SBF2: variants seen among roughly 807,000 people sequenced by gnomAD.
The protein encoded by SBF2 is myotubularin-related protein 13.
A neutral mutation model predicts 225.2 loss-of-function variants in SBF2; 112 were observed. The ratio of observed to expected loss-of-function variants is 0.50; its 90% confidence interval spans 0.43 to 0.58. SBF2 has a LOEUF of 0.58. Ranked by LOEUF, SBF2 falls within the 20% of genes least tolerant of loss-of-function variation. The pLI is 0.00. For missense variants in SBF2, 1,996 were observed against 2,206.2 expected (o/e 0.90, Z 1.91); for synonymous variants, 763 against 773.3 (o/e 0.99, Z 0.22).
chr11:9,929,020 A>C, intron 16 of SBF2: 1 of 483,838 alleles, frequency 2.1e-6, no homozygotes, highest in East Asian at 6.3e-5. Flanking sequence ...GCTAATGAAC[A>C]TACAGTGCAG....
chr11:10,294,350 G>C, upstream of SBF2: 1 of 329,656 alleles, frequency 3.0e-6, no homozygotes, highest in South Asian at 1.5e-4. Flanking sequence ...GGGGGAGTGG[G>C]CGGTCGGGCG....
chr11:9,919,551 C>A (rs1188839930), intron 16 of SBF2, among the ~76,000 whole-genome samples: 1 of 151,874 alleles, frequency 6.6e-6, no homozygotes, highest in African/African-American at 2.4e-5. Flanking sequence ...TGACTGGGGG[C>A]TGCATGCACC....
intron 6 of SBF2, among the ~76,000 whole-genome samples, chr11:10,012,829 A>C (rs1021087706): frequency 6.6e-6 from 1 of 151,836 alleles, no homozygotes; most frequent in Non-Finnish European, 1.5e-5. Flanking sequence ...AAGCTGCAAA[A>C]TCTGCTTGTA....
chr11:10,263,156 T>C (rs1024707844), intron 1 of SBF2, among the ~76,000 whole-genome samples: 2 of 152,074 alleles, frequency 1.3e-5, no homozygotes, highest in East Asian at 3.8e-4. Flanking sequence ...TGATAAATCA[T>C]TCAAGAATCT....
intron 1 of SBF2, among the ~76,000 whole-genome samples, chr11:10,195,226 T>A (rs1430876995): frequency 6.6e-6 from 1 of 152,200 alleles, no homozygotes; most frequent in Non-Finnish European, 1.5e-5. Flanking sequence ...TAGCACCCTC[T>A]ACCACCAGCA....
chr11:10,111,178 TTTTAA>T (rs1325391339), intron 2 of SBF2, among the ~76,000 whole-genome samples: 1 of 152,222 alleles, frequency 6.6e-6, no homozygotes, highest in Admixed American at 6.5e-5. Flanking sequence ...TAGTAACCCA[TTTTAA>T]TTTAATAAAA....
intron 2 of SBF2, among the ~76,000 whole-genome samples, chr11:10,113,550 A>G (rs562847991): frequency 1.3e-5 from 2 of 152,320 alleles, no homozygotes; most frequent in South Asian, 4.1e-4. Context: ...ATTTATTGAG[A>G]GCCTAACACA....
chr11:9,813,537 A>G (rs751921671), intron 29 of SBF2, among the ~76,000 whole-genome samples: 1 of 152,128 alleles, frequency 6.6e-6, no homozygotes, highest in Non-Finnish European at 1.5e-5. Flanking sequence ...CATGTTGCCC[A>G]GGATGGTCTC....
intron 17 of SBF2, among the ~76,000 whole-genome samples, chr11:9,871,879 A>C (rs1858792874): frequency 6.6e-6 from 1 of 152,122 alleles, no homozygotes; most frequent in African/African-American, 2.4e-5. Context: ...TGGGAGTGTA[A>C]ATTAGTTCAA....
Position 9,784,385 on chromosome 11 carries a change from G to A in SBF2, c.5285C>T (p.Pro1762Leu), listed in dbSNP as rs1051248230. 5 of 1,614,126 alleles carry A rather than the reference G, an allele frequency of 3.1e-6. No individual in the cohort carries two copies. The South Asian group carries it at 4.4e-5, about 14-fold the overall frequency. The change falls in exon 38 of 40, where the codon CCC (proline) becomes CTC (leucine). Residue 1762 changes from proline (P) to leucine (L), a missense_variant. Transcript: ENST00000256190. ...TGTTACATCCAAAACAAACCAACGG[G>A]GCTTCCAACCTTTCAGCAAAGCCCC... ...KRGALLKGWK[P>L]RWFVLDVTKH...
At chr11:10,163,124 T>A (rs1955821846) in intron 2 of SBF2, among the ~76,000 whole-genome samples, 1 of 152,096 alleles carries the variant, frequency 6.6e-6, no homozygotes, top group African/African-American at 2.4e-5. Flanking sequence ...AAATAAAAGC[T>A]GAAATCACAA....
At chr11:10,190,118 T>G (rs1957103541) in intron 2 of SBF2, among the ~76,000 whole-genome samples, 1 of 148,532 alleles carries the variant, frequency 6.7e-6, no homozygotes, top group Admixed American at 6.8e-5. Flanking sequence ...GCCACTGCAC[T>G]CCAGCCTGGG....
chr11:10,078,348 T>C (rs1477408459), intron 2 of SBF2, among the ~76,000 whole-genome samples: 3 of 152,186 alleles, frequency 2.0e-5, no homozygotes, highest in African/African-American at 7.2e-5. Flanking sequence ...ACTGTAGCAC[T>C]GTTCACAATA....
intron 1 of SBF2, among the ~76,000 whole-genome samples, chr11:10,229,420 A>G (rs979955584): frequency 2.6e-5 from 4 of 152,178 alleles, no homozygotes; most frequent in African/African-American, 9.7e-5. Context: ...TGTCAATTTT[A>G]GATCTTTCCT....
chr11:9,987,061 C>T (rs1384814816), intron 13 of SBF2, among the ~76,000 whole-genome samples: 1 of 152,116 alleles, frequency 6.6e-6, no homozygotes, highest in South Asian at 2.1e-4. Flanking sequence ...AACAACATAT[C>T]AGAAAGATAA....
At chr11:9,781,045 T>A (rs971305619) in intron 39 of SBF2, among the ~76,000 whole-genome samples, 4 of 152,244 alleles carry the variant, frequency 2.6e-5, no homozygotes, top group Non-Finnish European at 5.9e-5. Flanking sequence ...AGGGACTACA[T>A]AAGTCTCCTT....
chr11:9,949,799 C>T (rs1166754284), intron 16 of SBF2, among the ~76,000 whole-genome samples: 1 of 152,018 alleles, frequency 6.6e-6, no homozygotes. Context: ...ATAATGCTGA[C>T]TGACAAAAGA....
chr11:10,103,050 G>C (rs911500504), intron 2 of SBF2, among the ~76,000 whole-genome samples: 1 of 152,168 alleles, frequency 6.6e-6, no homozygotes, highest in Non-Finnish European at 1.5e-5. Context: ...AGAAGAAACA[G>C]ATTCAGTTGG....
intron 1 of SBF2, among the ~76,000 whole-genome samples, chr11:10,273,888 T>C (rs1047260586): frequency 6.6e-6 from 1 of 152,196 alleles, no homozygotes; most frequent in African/African-American, 2.4e-5. Flanking sequence ...TAAGGAAACA[T>C]GCTGAAAGGC....
Sources: allele counts gnomAD v4.1 joint callset (sites outside exome capture counted in the v4.1 genomes callset), GRCh38; gene constraint gnomAD v4.1.1; transcripts MANE v1.5; gene names NCBI Gene and HGNC (gene_info 2026-07-23, HGNC 2026-07-21).